The following ROR1 variants were observed in gnomAD, a reference collection of about 807,000 sequenced individuals.
ROR1 encodes ROR family WNT receptor 1, also known as inactive tyrosine-protein kinase transmembrane receptor ROR1.
A neutral mutation model predicts 78.8 loss-of-function variants in ROR1; 19 were observed. The observed-to-expected ratio is 0.24, with a 90% CI of 0.17 to 0.35. The LOEUF is 0.35. Ranked by LOEUF, ROR1 falls within the 10% of genes least tolerant of loss-of-function variation. ROR1 has a pLI of 1.00. For missense variants in ROR1, 917 were observed against 1,177.8 expected, an observed-to-expected ratio of 0.78 and a Z score of 3.24; for synonymous variants, 386 against 433.6, an observed-to-expected ratio of 0.89 and a Z score of 1.36.
At position 64,140,381 on chromosome 1, in the gene ROR1, A is replaced by G; in HGVS notation, c.883A>G (p.Asn295Asp). The change falls in exon 6 of 9, where the codon AAC becomes GAC. Residue 295 changes from asparagine (N) to aspartate (D), a missense_variant. By Grantham distance (23) the Asn-to-Asp change is conservative. This residue lies in a region of ROR1 where 835 missense variants were observed against 1,069.8 expected (regional missense o/e 0.78). Transcript: ENST00000371079. ...CCAGCCAGAGAGCCCAGAAGCTGCG[A>G]ACTGTATCCGGATTGGAATTCCCAT... is the stretch of plus-strand genomic sequence containing the variant. ...LPQPESPEAA[N>D]CIRIGIPMAD... 1 of 1,614,170 alleles carries G rather than the reference A, an allele frequency of 6.2e-7. No homozygotes were observed. The highest frequency in any genetic ancestry group is 8.5e-7 in the Non-Finnish European group (1 of 1,180,012).
chr1:63,893,288 T>A (rs1308045096), intron 1 of ROR1, among the ~76,000 whole-genome samples: 8 of 152,140 alleles, frequency 5.3e-5, no homozygotes, highest in African/African-American at 1.9e-4. Flanking sequence ...GGCTTGCTGC[T>A]CACAGTCCCC....
intron 1 of ROR1, among the ~76,000 whole-genome samples, chr1:63,981,473 T>G (rs1022294872): frequency 6.6e-6 from 1 of 152,136 alleles, no homozygotes; most frequent in Non-Finnish European, 1.5e-5. Flanking sequence ...AGGGTTTCCT[T>G]GATGAGGTTG....
intron 2 of ROR1, among the ~76,000 whole-genome samples, chr1:64,012,034 A>G (rs547680929): frequency 3.3e-5 from 5 of 152,342 alleles, no homozygotes; most frequent in African/African-American, 1.2e-4. Context: ...GAAGAAAATA[A>G]TCCATTGCCA....
At position 63,877,943 on chromosome 1, in the gene ROR1, G is replaced by A. The variant is rs1479235899; in HGVS notation, c.91+103435G>A. 4.6e-5 allele frequency among the ~76,000 whole-genome samples: 7 copies of A among 152,290 alleles called. No individual in the cohort carries two copies. In the East Asian group the frequency reaches 1.2e-3, roughly 25 times the overall value. The stretch of plus-strand genomic sequence containing the variant: ...GTGAGGCTTTGCAGGCTGCTTGTGG[G>A]TGAGGGTAAAAGTTTTCTTAACCTC... On this transcript the variant is annotated intron_variant, in intron 1 of 8. Coordinates refer to ENST00000371079, the MANE Select transcript of ROR1 (RefSeq NM_005012.4).
chr1:63,832,950 T>G (rs890257778), intron 1 of ROR1, among the ~76,000 whole-genome samples: 3 of 152,228 alleles, frequency 2.0e-5, no homozygotes, highest in Non-Finnish European at 4.4e-5. Context: ...GTCCATTTTC[T>G]GATAACCAGC....
At chr1:63,911,636 G>A (rs925805241) in intron 1 of ROR1, among the ~76,000 whole-genome samples, 2 of 151,430 alleles carry the variant, frequency 1.3e-5, no homozygotes, top group African/African-American at 2.4e-5. Context: ...CTGGTCCTCA[G>A]TGCCAAAAAG....
At chr1:63,893,476 G>A (rs1645415707) in intron 1 of ROR1, among the ~76,000 whole-genome samples, 1 of 152,168 alleles carries the variant, frequency 6.6e-6, no homozygotes, top group African/African-American at 2.4e-5. Flanking sequence ...TGCTGTGCTT[G>A]CTAATATGCC....
chr1:64,016,576 A>T (rs1267173869), intron 2 of ROR1, among the ~76,000 whole-genome samples: 2 of 151,878 alleles, frequency 1.3e-5, no homozygotes, highest in African/African-American at 2.4e-5. Context: ...GGTAAATGTA[A>T]CCTGTTTCCT....
chr1:63,807,018 T>A (rs940559109), intron 1 of ROR1, among the ~76,000 whole-genome samples: 5 of 152,188 alleles, frequency 3.3e-5, no homozygotes, highest in African/African-American at 1.2e-4. Context: ...CTCAGTTTTG[T>A]CCTAGGAGGT....
intron 4 of ROR1, among the ~76,000 whole-genome samples, chr1:64,072,057 T>C (rs1384782957): frequency 6.6e-6 from 1 of 152,196 alleles, no homozygotes; most frequent in Admixed American, 6.5e-5. Context: ...GATTAATATC[T>C]AAACACTGAA....
chr1:63,997,499 T>A (rs1213744349), intron 1 of ROR1, among the ~76,000 whole-genome samples: 2 of 151,986 alleles, frequency 1.3e-5, no homozygotes, highest in Admixed American at 6.5e-5. Flanking sequence ...TGAAATTTTA[T>A]GACAAAAGCA....
At chr1:63,898,366 A>T (rs1478771955) in intron 1 of ROR1, among the ~76,000 whole-genome samples, 3 of 131,890 alleles carry the variant, frequency 2.3e-5, no homozygotes, top group African/African-American at 5.6e-5. Flanking sequence ...AGATGCTTAC[A>T]TTTTTTTTTT....
At chr1:63,932,957 C>T (rs750824922) in intron 1 of ROR1, among the ~76,000 whole-genome samples, 5 of 152,190 alleles carry the variant, frequency 3.3e-5, no homozygotes, top group African/African-American at 7.2e-5. Context: ...ACCTGTCTGA[C>T]AGCCCTTTAT....
chr1:64,134,385 G>T (rs994091913), intron 4 of ROR1, among the ~76,000 whole-genome samples: 1 of 152,150 alleles, frequency 6.6e-6, no homozygotes, highest in Admixed American at 6.6e-5. Context: ...AACAACATGG[G>T]ATAGTGGCCT....
intron 1 of ROR1, among the ~76,000 whole-genome samples, chr1:63,951,739 C>T (rs1323009170): frequency 1.3e-5 from 2 of 152,156 alleles, no homozygotes; most frequent in Non-Finnish European, 2.9e-5. Context: ...CACATGCTGC[C>T]CACTCTGCCT....
At chr1:64,088,593 C>CG (rs377145332) in intron 4 of ROR1, among the ~76,000 whole-genome samples, 106 of 77,108 alleles carry the variant, frequency 1.4e-3, no homozygotes, top group Admixed American at 2.1e-3. Context: ...ATGCATGGGG[C>CG]GGGGGGGTCG....
At position 64,178,969 on chromosome 1, in the gene ROR1, A is replaced by T; in HGVS notation, c.*114A>T. The T allele has an allele frequency of 1.4e-6, 1 of 706,342 alleles. No individual in the cohort carries two copies. 43.8% of individuals were successfully genotyped at this position (706,342 alleles called of 1,614,324 possible). A position where few individuals can be genotyped will look rare whatever the true frequency, so the allele number is the denominator to read the frequency against. ...TTCTCATTTAGCAGACATCGCAACA[A>T]GTACCTTCTGTGAAGTTTCACTGTG... On this transcript the variant is annotated 3_prime_UTR_variant, in exon 9 of 9. Coordinates refer to ENST00000371079, the MANE Select transcript of ROR1 (RefSeq NM_005012.4). This position sits in a 1 kb window ranked among gnomAD's most constrained non-coding sequence, Gnocchi z 4.3.
At position 63,883,434 on chromosome 1, in the gene ROR1, C is replaced by T. The variant is rs1434868294; in HGVS notation, c.91+108926C>T. ...CTCTCTTTTTATTTTTTTAACATCTCCTTCCTCTGTTTTCTGGGCCACTCA... is the reference window on the plus strand; with the variant it reads ...CTCTCTTTTTATTTTTTTAACATCTTCTTCCTCTGTTTTCTGGGCCACTCA... On this transcript the variant is annotated intron_variant, in intron 1 of 8. Transcript: ENST00000371079. Among the ~76,000 whole-genome samples the T allele has an allele frequency of 2.0e-5, 3 of 152,020 alleles. No individual in the cohort carries two copies. The East Asian group carries it at 5.8e-4, about 29-fold the overall frequency.
intron 4 of ROR1, among the ~76,000 whole-genome samples, chr1:64,070,565 G>T (rs929048811): frequency 3.3e-5 from 5 of 151,876 alleles, no homozygotes; most frequent in African/African-American, 1.2e-4. Flanking sequence ...AACCATCCTC[G>T]CACCTCAGCC....
Sources: gnomAD v4.1 joint callset for allele counts (sites outside exome capture counted in the v4.1 genomes callset) on GRCh38, gnomAD v4.1.1 for gene constraint, gnomAD v4.1.1 regional missense constraint, Gnocchi (gnomAD v3.1) non-coding constraint, MANE v1.5 for transcripts, NCBI Gene and HGNC (gene_info 2026-07-23, HGNC 2026-07-21) for gene names.